The following RNF123 variants were observed in gnomAD, a reference collection of about 807,000 sequenced individuals.
The protein encoded by RNF123 is ring finger protein 123.
In RNF123, 86 loss-of-function variants were observed where a neutral mutation model predicts 168.5. That is an observed-to-expected ratio of 0.51 (90% CI 0.43 to 0.61). The LOEUF (loss-of-function observed/expected upper bound fraction) is 0.61, where lower values mean the gene tolerates loss of function less well. Among genes scored for constraint, RNF123 ranks in the 20% least tolerant of loss-of-function variants. The probability of loss-of-function intolerance (pLI) is 0.00; values close to 1 mark genes in which losing one functional copy is unlikely to be tolerated. For missense variants in RNF123, 1,419 were observed against 1,729.7 expected, an observed-to-expected ratio of 0.82 and a Z score of 3.19; for synonymous variants, 666 against 689.1, an observed-to-expected ratio of 0.97 and a Z score of 0.52.
rs2080193355 is a variant in RNF123, at chr3:49,714,005, T to G, written c.2925+8T>G. On this transcript the variant is annotated splice_region_variant and intron_variant, in intron 30 of 38. Transcript: ENST00000327697. ...CTGGTGCGGCTCTGGAGGGTAAGCC[T>G]GACTCGAGGGGAAGTGGCTGAGGCT... 1 of 1,613,902 alleles carries G rather than the reference T, an allele frequency of 6.2e-7. No homozygotes were observed. Among genetic ancestry groups the G allele is most frequent in the Admixed American group, 1.7e-5 (1 of 60,014 alleles).
Position 49,693,815 on chromosome 3 carries a change from A to AT in RNF123, c.167+2307dup, listed in dbSNP as rs1183883113. ...AAGCCATTTTAGCTGGTGTGAGATG[A>AT]TATCTCGTAGTTTTGATTTGCATTT... On this transcript the variant is annotated intron_variant, in intron 3 of 38. Transcript: ENST00000327697. Among the ~76,000 whole-genome samples the AT allele has an allele frequency of 2.0e-5, 3 of 152,106 alleles. No individual in the cohort carries two copies. In the East Asian group the frequency reaches 5.8e-4, roughly 29 times the overall value.
At chr3:49,718,576 C>G (rs756757861) in intron 35 of RNF123, 1 of 1,613,124 alleles carries the variant, frequency 6.2e-7, no homozygotes, top group African/African-American at 1.3e-5. Context: ...GCAGTAAAGC[C>G]TCAGGGACCG....
Position 49,689,605 on chromosome 3 carries a change from G to C in RNF123, c.-38G>C, listed in dbSNP as rs1174476408. 1 of 152,518 alleles carries C rather than the reference G, an allele frequency of 6.6e-6. No individual in the cohort carries two copies. Among genetic ancestry groups the C allele is most frequent in the East Asian group, 1.9e-4 (1 of 5,200 alleles). The allele number at this position is 152,518 out of a possible 1,614,324, so 9.4% of individuals were successfully genotyped here. ...GCCGGGTCGCTGCGGCCGAGGCTCCGGGTGAGTGAGGGGCGGCAGGGCTCT... is the reference window on the plus strand; with the variant it reads ...GCCGGGTCGCTGCGGCCGAGGCTCCCGGTGAGTGAGGGGCGGCAGGGCTCT... On this transcript the variant is annotated splice_region_variant and 5_prime_UTR_variant, in exon 1 of 39. Transcript: ENST00000327697.
chr3:49,716,246 C>T (rs2080242700), intron 34 of RNF123, 69 bp downstream of exon 34: 3 of 1,578,240 alleles, frequency 1.9e-6, no homozygotes, highest in Admixed American at 3.3e-5. Flanking sequence ...AACAGTGAGG[C>T]CTGATTCCAC....
At position 49,707,376 on chromosome 3, in the gene RNF123, C is replaced by T. The variant is rs1009152130; in HGVS notation, c.2496+478C>T. On this transcript the variant is annotated intron_variant, in intron 26 of 38. Coordinates refer to ENST00000327697, the MANE Select transcript of RNF123 (RefSeq NM_022064.5). ...AACCTGGTGTGTGCCAGGTGCTGTC[C>T]TGGAACTAGGGACACACACACATTA... 3.9e-4 allele frequency among the ~76,000 whole-genome samples: 59 copies of T among 152,198 alleles called. 1 individual carries two copies. Among genetic ancestry groups the T allele is most frequent in the Non-Finnish European group, 5.9e-5 (4 of 68,040 alleles).
At chr3:49,700,444 A>G (rs770245416) in intron 13 of RNF123, 28 bp from the exon 14 acceptor site, 2 of 1,612,818 alleles carry the variant, frequency 1.2e-6, no homozygotes, top group South Asian at 2.2e-5. Context: ...GGCCCCAGTC[A>G]TGGCTGCCTT....
At position 49,700,458 on chromosome 3, in the gene RNF123, A is replaced by T; in HGVS notation, c.1111-14A>T. The T allele has an allele frequency of 6.2e-7, 1 of 1,613,450 alleles. No homozygotes were observed. Among genetic ancestry groups the T allele is most frequent in the Non-Finnish European group, 8.5e-7 (1 of 1,179,424 alleles). ...AGGCCCCAGTCATGGCTGCCTTGGC[A>T]TCTCTTCCCCCAGGACTACGAGGTA... On this transcript the variant is annotated splice_polypyrimidine_tract_variant and intron_variant, in intron 13 of 38. Transcript: ENST00000327697.
chr3:49,713,376 C>T (rs1173911312), intron 27 of RNF123, 137 bp from the exon 28 acceptor site: 1 of 768,788 alleles, frequency 1.3e-6, no homozygotes, highest in East Asian at 2.7e-5. Context: ...CCCGATGTCC[C>T]CAGATGCCAC....
At chr3:49,708,525 A>G (rs2080078813) in intron 26 of RNF123, among the ~76,000 whole-genome samples, 1 of 152,084 alleles carries the variant, frequency 6.6e-6, no homozygotes. Context: ...GCTGGGCCTT[A>G]CTTCCATGTC....
intron 9 of RNF123, 67 bp downstream of exon 9, chr3:49,698,889 G>C: frequency 1.2e-6 from 2 of 1,605,868 alleles, no homozygotes; most frequent in Non-Finnish European, 1.7e-6. Context: ...CCAGTTTCCT[G>C]GGCCCTGTAA....
Position 49,700,541 on chromosome 3 carries a change from A to G in RNF123, c.1180A>G (p.Ile394Val). 6.2e-7 allele frequency: 1 copy of G among 1,614,140 alleles called. No homozygotes were observed. Among genetic ancestry groups the G allele is most frequent in the South Asian group, 1.1e-5 (1 of 91,084 alleles). ...SLLRLYRFSP[I>V]VPDLGLQIHY... ...GCTTCGGCTGTACCGATTCTCACCC[A>G]TTGTCCCAGACCTGGGCCTACAGGT... is the stretch of plus-strand genomic sequence containing the variant. Residue 394 changes from isoleucine to valine, a missense_variant, in exon 14 of 39, where the codon ATT (isoleucine) becomes GTT (valine). Transcript: ENST00000327697.
rs1025503128 is a variant in RNF123 at position 49,699,412 on chromosome 3, G to A, written c.765-56G>A. On this transcript the variant is annotated intron_variant, in intron 10 of 38. Coordinates refer to ENST00000327697, the MANE Select transcript of RNF123 (RefSeq NM_022064.5). This position sits in a 1 kb window ranked among gnomAD's most constrained non-coding sequence, Gnocchi z 4.8. ...CCCGGGGTGGGGGGTGGGCAGTGGA[G>A]AGGGAGTAGGCATGTCTGAGCCACA... 2.9e-5 allele frequency: 41 copies of A among 1,432,528 alleles called. No homozygotes were observed. Among genetic ancestry groups the A allele is most frequent in the Admixed American group, 4.0e-5 (2 of 50,632 alleles). The allele number at this position is 1,432,528 out of a possible 1,614,324, so 88.7% of individuals were successfully genotyped here.
At chr3:49,705,504 C>T (rs1328340056) in intron 23 of RNF123, 30 bp from the exon 24 acceptor site, 28 of 1,565,208 alleles carry the variant, frequency 1.8e-5, no homozygotes, top group Non-Finnish European at 2.3e-5. Flanking sequence ...GATGGCCCTA[C>T]CCTTGACCCT....
intron 3 of RNF123, among the ~76,000 whole-genome samples, chr3:49,694,226 TA>T (rs2108174967): frequency 6.6e-6 from 1 of 152,336 alleles, no homozygotes; most frequent in South Asian, 2.1e-4. Context: ...TAATATACAA[TA>T]AACTACACAT....
At chr3:49,703,364 G>T in intron 20 of RNF123, 63 bp from the exon 21 acceptor site, 2 of 1,336,128 alleles carry the variant, frequency 1.5e-6, no homozygotes, top group Non-Finnish European at 2.1e-6. Flanking sequence ...GGAGGGGAGG[G>T]CTGTGGGGAG....
chr3:49,699,179 C>G lies in RNF123; in HGVS notation c.764+74C>G. 6.5e-7 allele frequency: 1 copy of G among 1,548,052 alleles called. No individual in the cohort carries two copies. The highest frequency in any genetic ancestry group is 1.2e-5 in the South Asian group (1 of 82,430). On this transcript the variant is annotated intron_variant, in intron 10 of 38. Transcript: ENST00000327697. This position sits in a 1 kb window ranked among gnomAD's most constrained non-coding sequence, Gnocchi z 4.8. ...GGCTGGGATGAGGGGCTCCCTACCC[C>G]AGGGGTGCCATGGGCTGGTGGCAGG... is the stretch of plus-strand genomic sequence containing the variant.
chr3:49,715,978 A>G lies in RNF123; in HGVS notation c.3307A>G (p.Thr1103Ala), dbSNP rs2080236045. 1 of 1,613,960 alleles carries G rather than the reference A, an allele frequency of 6.2e-7. No homozygotes were observed. The highest frequency in any genetic ancestry group is 1.7e-4 in the Middle Eastern group (1 of 6,060). ...GATATTCCTTGACTGGACCCGGCCT[A>G]CCTCTGAGATGCTGCTGCGGCGTCT... Reference protein sequence around the residue: ...PEIFLDWTRPTSEMLLRRLAQ... With the variant: ...PEIFLDWTRPASEMLLRRLAQ... The change falls in exon 33 of 39, where the codon ACC becomes GCC. Residue 1103 changes from threonine (T) to alanine (A), a missense_variant. By Grantham distance (58) the Thr-to-Ala change is moderately conservative. Coordinates refer to ENST00000327697, the MANE Select transcript of RNF123 (RefSeq NM_022064.5).
At position 49,706,069 on chromosome 3, in the gene RNF123, A is replaced by G; in HGVS notation, c.2388+4A>G. The G allele has an allele frequency of 6.2e-7, 1 of 1,613,580 alleles. No individual in the cohort carries two copies. Among genetic ancestry groups the G allele is most frequent in the Non-Finnish European group, 8.5e-7 (1 of 1,179,502 alleles). ...GCTCCGCCGGTGCCCCAAGAGGGTA[A>G]GGCCCACATAGTCTTGGTGAGGGGC... is the stretch of plus-strand genomic sequence containing the variant. On this transcript the variant is annotated splice_donor_region_variant and intron_variant, in intron 25 of 38. Coordinates refer to ENST00000327697, the MANE Select transcript of RNF123 (RefSeq NM_022064.5).
Position 49,706,879 on chromosome 3 carries a change from A to G in RNF123, c.2477A>G (p.His826Arg), listed in dbSNP as rs1461405868. 6.2e-7 allele frequency: 1 copy of G among 1,614,038 alleles called. No individual in the cohort carries two copies. The highest frequency in any genetic ancestry group is 8.5e-7 in the Non-Finnish European group (1 of 1,179,996). ...DHLSRRLAWV[H>R]ATVYSQEKML... ...CTGAGCCGCCGTCTTGCCTGGGTCC[A>G]TGCCACTGTCTACTCCCAGGTGTGC... is the stretch of plus-strand genomic sequence containing the variant. Residue 826 changes from histidine to arginine, a missense_variant, in exon 26 of 39, where the codon CAT becomes CGT. By Grantham distance (29) the His-to-Arg change is conservative. Transcript: ENST00000327697.
Sources: gnomAD v4.1 joint callset for allele counts (sites outside exome capture counted in the v4.1 genomes callset) on GRCh38, gnomAD v4.1.1 for gene constraint, Gnocchi (gnomAD v3.1) non-coding constraint, MANE v1.5 for transcripts, NCBI Gene and HGNC (gene_info 2026-07-23, HGNC 2026-07-21) for gene names.